FER1L6: variants seen among roughly 807,000 people sequenced by gnomAD.
The protein encoded by FER1L6 is fer-1-like protein 6.
FER1L6 carries 177 observed loss-of-function variants against 219.2 expected under a neutral mutation model. The observed-to-expected ratio is 0.81, with a 90% CI of 0.71 to 0.91. The LOEUF (loss-of-function observed/expected upper bound fraction) is 0.91. Ranked by LOEUF, FER1L6 falls within the 40% of genes least tolerant of loss-of-function variation. The pLI, the probability that FER1L6 is intolerant of heterozygous loss-of-function variation, is 0.00. For synonymous variants in FER1L6, 768 were observed against 824.3 expected, an observed-to-expected ratio of 0.93 and a Z score of 1.17; for missense variants, 2,153 against 2,259.9, an observed-to-expected ratio of 0.95 and a Z score of 0.96.
intron 34 of FER1L6, among the ~76,000 whole-genome samples, chr8:124,093,171 A>C (rs1056180945): frequency 6.6e-6 from 1 of 152,150 alleles, no homozygotes; most frequent in East Asian, 2.0e-4. Context: ...GTCTATCACG[A>C]GAACAGCACT....
rs1197485361 is a variant in FER1L6, at chr8:123,859,980, TA to T, written c.-8+7796del. Among the ~76,000 whole-genome samples, 581 of 125,628 alleles carry T rather than the reference TA, an allele frequency of 4.6e-3. 12 individuals carry two copies. The highest frequency in any genetic ancestry group is 9.4e-3 in the South Asian group (35 of 3,708). 82.4% of individuals were successfully genotyped at this position (125,628 alleles called of 152,430 possible). A position where few individuals can be genotyped will look rare whatever the true frequency, so the allele number is the denominator to read the frequency against. ...TTATTATTATTATTACTATTATTAT[TA>T]TTATTTTTTTAATTATACTTTAAGT... On this transcript the variant is annotated intron_variant, in intron 1 of 40. Transcript: ENST00000522917.
chr8:123,959,796 G>A (rs1815186874), intron 2 of FER1L6, among the ~76,000 whole-genome samples: 1 of 152,196 alleles, frequency 6.6e-6, no homozygotes, highest in African/African-American at 2.4e-5. Flanking sequence ...AGAGTCTGCA[G>A]GAGGCCACTG....
rs1022642673 is a variant in FER1L6, at chr8:123,966,307, A to T, written c.384+17A>T. On this transcript the variant is annotated intron_variant, in intron 5 of 40. Transcript: ENST00000522917. Reference sequence around the variant, plus strand: ...TATAATGAAGTAAGTCATGGAGGTCACCCACAGCTTTTGCACTAAGATTCT... The same window carrying T: ...TATAATGAAGTAAGTCATGGAGGTCTCCCACAGCTTTTGCACTAAGATTCT... 2.5e-6 allele frequency: 4 copies of T among 1,613,684 alleles called. No homozygotes were observed. The highest frequency in any genetic ancestry group is 1.3e-5 in the African/African-American group (1 of 75,036).
At chr8:123,880,154 C>T (rs1200631961) in intron 1 of FER1L6, among the ~76,000 whole-genome samples, 1 of 152,066 alleles carries the variant, frequency 6.6e-6, no homozygotes, top group Admixed American at 6.5e-5. Context: ...TCCCCTCTTC[C>T]CCGACCAACT....
chr8:124,014,864 AG>A (rs1386574950), intron 15 of FER1L6, among the ~76,000 whole-genome samples: 1 of 152,206 alleles, frequency 6.6e-6, no homozygotes, highest in African/African-American at 2.4e-5. Context: ...TCAGGGGTCC[AG>A]GTGTGGCTCA....
At chr8:124,104,565 T>C (rs1822686013) in intron 39 of FER1L6, among the ~76,000 whole-genome samples, 1 of 152,222 alleles carries the variant, frequency 6.6e-6, no homozygotes, top group African/African-American at 2.4e-5. Flanking sequence ...GAGTACAGTA[T>C]GGAGGCATAA....
chr8:123,967,736 T>C (rs1371033380), intron 5 of FER1L6, among the ~76,000 whole-genome samples: 2 of 152,140 alleles, frequency 1.3e-5, no homozygotes, highest in Non-Finnish European at 1.5e-5. Flanking sequence ...GGTGGGCAGA[T>C]CACGAGGTCA....
At chr8:123,870,569 A>G (rs1218229559) in intron 1 of FER1L6, among the ~76,000 whole-genome samples, 1 of 152,252 alleles carries the variant, frequency 6.6e-6, no homozygotes, top group African/African-American at 2.4e-5. Flanking sequence ...GACTATGTAC[A>G]GTATGATTCT....
intron 1 of FER1L6, among the ~76,000 whole-genome samples, chr8:123,884,741 G>T (rs190991550): frequency 5.3e-5 from 8 of 152,158 alleles, no homozygotes; most frequent in Admixed American, 4.6e-4. Context: ...TGACCCTGCA[G>T]TGAGGCAGCT....
intron 1 of FER1L6, among the ~76,000 whole-genome samples, chr8:123,876,527 C>T (rs1470057736): frequency 2.6e-5 from 4 of 152,058 alleles, no homozygotes; most frequent in South Asian, 2.1e-4. Context: ...GGTCTCACTA[C>T]GTTGCTCAGG....
chr8:123,910,056 A>G (rs1055517974), intron 1 of FER1L6, among the ~76,000 whole-genome samples: 3 of 152,210 alleles, frequency 2.0e-5, no homozygotes, highest in Non-Finnish European at 4.4e-5. Context: ...TAATCATGGC[A>G]CCTGCTGTGG....
At chr8:124,090,064 T>C (rs1397532655) in intron 33 of FER1L6, among the ~76,000 whole-genome samples, 1 of 152,228 alleles carries the variant, frequency 6.6e-6, no homozygotes, top group Non-Finnish European at 1.5e-5. Flanking sequence ...TTAACATTTA[T>C]GCATCAAGGT....
At chr8:123,994,856 A>G (rs1457979862) in intron 12 of FER1L6, among the ~76,000 whole-genome samples, 3 of 152,164 alleles carry the variant, frequency 2.0e-5, no homozygotes, top group African/African-American at 7.2e-5. Context: ...GCTTCCCTCT[A>G]TCTGTACTGG....
chr8:124,060,449 G>T, intron 23 of FER1L6, 99 bp from the exon 24 acceptor site: 2 of 1,516,122 alleles, frequency 1.3e-6, no homozygotes, highest in South Asian at 2.4e-5. Context: ...ACACAGCGTG[G>T]TTCTCAGGGA....
intron 39 of FER1L6, among the ~76,000 whole-genome samples, chr8:124,112,293 T>C (rs189673475): frequency 2.0e-5 from 3 of 152,338 alleles, no homozygotes; most frequent in Non-Finnish European, 2.9e-5. Flanking sequence ...TTTTTAAAGC[T>C]GCTTATCAGT....
Position 124,076,205 on chromosome 8 carries a change from A to G in FER1L6, c.4100A>G (p.Asn1367Ser). ...LIRVYIVAAF[N>S]LSPADPDGKS... ...TTTCTTTTTCCTTTCCAGGCATTTA[A>G]TCTTAGTCCAGCTGATCCAGATGGC... Residue 1367 changes from asparagine (N) to serine (S), a missense_variant, in exon 32 of 41, where the codon AAT becomes AGT. By Grantham distance (46) the Asn-to-Ser change is conservative. Coordinates refer to ENST00000522917, the MANE Select transcript of FER1L6 (RefSeq NM_001039112.2). 6.2e-7 allele frequency: 1 copy of G among 1,613,978 alleles called. No individual in the cohort carries two copies. Among genetic ancestry groups the G allele is most frequent in the Non-Finnish European group, 8.5e-7 (1 of 1,179,918 alleles).
Position 123,930,274 on chromosome 8 carries a change from T to G in FER1L6, c.-7-25718T>G, listed in dbSNP as rs149660310. ...CCACCACCACAATCAAGATACAGAA[T>G]AGCTCCATTGCCACAAGGATCCCAC... On this transcript the variant is annotated intron_variant, in intron 1 of 40. Transcript: ENST00000522917. Among the ~76,000 whole-genome samples the G allele has an allele frequency of 2.6e-5, 4 of 152,312 alleles. No homozygotes were observed. The East Asian group carries it at 5.8e-4, about 22-fold the overall frequency.
At position 123,854,371 on chromosome 8, in the gene FER1L6, G is replaced by A. The variant is rs7837740; in HGVS notation, c.-8+2186G>A. Reference sequence around the variant, plus strand: ...CCACAGTGCACACCCAGATGTCTGCGTGTTCTGGGAGATTATGTGGTTGCA... The same window carrying A: ...CCACAGTGCACACCCAGATGTCTGCATGTTCTGGGAGATTATGTGGTTGCA... On this transcript the variant is annotated intron_variant, in intron 1 of 40. Transcript: ENST00000522917. 7.5e-3 allele frequency among the ~76,000 whole-genome samples: 1,139 copies of A among 152,278 alleles called. 7 individuals are homozygous for A. Among genetic ancestry groups the A allele is most frequent in the African/African-American group, 0.025 (1,057 of 41,542 alleles).
In FER1L6 at chr8:124,082,459, G is replaced by GT. The variant is rs781238594; in HGVS notation, c.4391+2dup. 173 of 1,613,126 alleles carry GT rather than the reference G, an allele frequency of 1.1e-4. No homozygotes were observed. The highest frequency in any genetic ancestry group is 1.4e-4 in the Non-Finnish European group (160 of 1,179,626). On this transcript the variant is annotated splice_donor_variant, in intron 33 of 40. Transcript: ENST00000522917. LOFTEE classifies it high-confidence loss of function. ...GTGGCTTGCAGAGCCAGTATGAGATGTAAGTTCTTTCTCCCCGGGAGACAC... is the reference window on the plus strand; with the variant it reads ...GTGGCTTGCAGAGCCAGTATGAGATGTTAAGTTCTTTCTCCCCGGGAGACAC...
Sources: allele counts gnomAD v4.1 joint callset (sites outside exome capture counted in the v4.1 genomes callset), GRCh38; gene constraint gnomAD v4.1.1; transcripts MANE v1.5; gene names NCBI Gene and HGNC (gene_info 2026-07-23, HGNC 2026-07-21).